PCDHA9: variants seen among roughly 807,000 people sequenced by gnomAD.
The protein encoded by PCDHA9 is protocadherin alpha 9.
In PCDHA9, 62 loss-of-function variants were observed where a neutral mutation model predicts 62.0. The observed-to-expected ratio is 1.00, with a 90% CI of 0.81 to 1.23. The LOEUF (loss-of-function observed/expected upper bound fraction) is 1.23. Among genes scored for constraint, PCDHA9 ranks in the 50% most tolerant of loss-of-function variants. The pLI, the probability that PCDHA9 is intolerant of heterozygous loss-of-function variation, is 0.00. For missense variants in PCDHA9, 1,205 were observed against 1,249.8 expected (o/e 0.96, Z 0.54); for synonymous variants, 557 against 567.6 (o/e 0.98, Z 0.27).
At chr5:140,900,776 G>A (rs1407126944) in intron 1 of PCDHA9, among the ~76,000 whole-genome samples, 1 of 152,172 alleles carries the variant, frequency 6.6e-6, no homozygotes, top group Non-Finnish European at 1.5e-5. Flanking sequence ...GCTTTTTGAG[G>A]AAACTCCAAA....
chr5:140,968,899 A>T (rs782594245), intron 1 of PCDHA9: 7 of 1,614,130 alleles, frequency 4.3e-6, no homozygotes, highest in Non-Finnish European at 5.1e-6. Flanking sequence ...TAATAATAGC[A>T]TTAAGCACAG....
intron 1 of PCDHA9, among the ~76,000 whole-genome samples, chr5:140,941,194 TCTTTCTTCCTTTCTTTCTTCCTTTC>T (rs1257521577): frequency 8.9e-6 from 1 of 112,354 alleles, no homozygotes; most frequent in Admixed American, 9.1e-5. Context: ...TCTTTTTTTT[TCTTTCTTCCTTTCTTTCTTCCTTTC>T]TTTCTTTCTT....
At chr5:141,009,295 A>T (rs782350734) in intron 3 of PCDHA9, among the ~76,000 whole-genome samples, 13 of 152,030 alleles carry the variant, frequency 8.6e-5, no homozygotes, top group Admixed American at 3.9e-4. Context: ...TTTCTATAAA[A>T]TTTTTTTTAA....
intron 1 of PCDHA9, among the ~76,000 whole-genome samples, chr5:140,914,220 C>A (rs1210445622): frequency 6.6e-6 from 1 of 152,212 alleles, no homozygotes; most frequent in South Asian, 2.1e-4. Flanking sequence ...TCTCTTTTAG[C>A]TCTAATACTA....
At chr5:141,000,558 G>A (rs1462892656) in intron 3 of PCDHA9, among the ~76,000 whole-genome samples, 1 of 149,136 alleles carries the variant, frequency 6.7e-6, no homozygotes, top group Admixed American at 6.8e-5. Flanking sequence ...CTCCCGAGTA[G>A]CTGGGATTAC....
At chr5:140,972,353 T>C (rs571045648) in intron 1 of PCDHA9, among the ~76,000 whole-genome samples, 5 of 152,058 alleles carry the variant, frequency 3.3e-5, no homozygotes, top group South Asian at 2.1e-4. Flanking sequence ...TCTCACTATG[T>C]TGCACATGCT....
chr5:140,887,183 A>G (rs1211270850), intron 1 of PCDHA9, among the ~76,000 whole-genome samples: 2 of 147,766 alleles, frequency 1.4e-5, no homozygotes, highest in African/African-American at 5.0e-5. Flanking sequence ...TGCAAGCTCC[A>G]CCTCCCGGGT....
At chr5:140,980,856 G>A (rs559833499) in intron 2 of PCDHA9, among the ~76,000 whole-genome samples, 2 of 152,004 alleles carry the variant, frequency 1.3e-5, no homozygotes, top group African/African-American at 2.4e-5. Context: ...AATCTTTTTC[G>A]TATGTGTGCT....
intron 1 of PCDHA9, chr5:140,876,221 T>C: frequency 1.2e-6 from 2 of 1,613,988 alleles, no homozygotes; most frequent in Non-Finnish European, 1.7e-6. Context: ...TATAAAGTAG[T>C]GTTGTCTGAA....
Position 141,010,115 on chromosome 5 carries a change from C to A in PCDHA9, c.*178C>A, listed in dbSNP as rs1037998611. 1.2e-6 allele frequency: 2 copies of A among 1,609,682 alleles called. No individual in the cohort carries two copies. The highest frequency in any genetic ancestry group is 2.2e-5 in the South Asian group (2 of 90,640). ...CATTTAACAGGTTTTGTCGTAAAAG[C>A]TTTACTAAGTCTGGTGTTAACTCTT... On this transcript the variant is annotated 3_prime_UTR_variant, in exon 4 of 4. Transcript: ENST00000532602.
At position 140,927,570 on chromosome 5, in the gene PCDHA9, A is replaced by G. The variant is rs568227710; in HGVS notation, c.2395-51379A>G. 5.0e-5 allele frequency: 80 copies of G among 1,614,066 alleles called. 1 individual carries two copies. Among genetic ancestry groups the G allele is most frequent in the Middle Eastern group, 4.9e-4 (3 of 6,084 alleles). On this transcript the variant is annotated intron_variant, in intron 1 of 3. Transcript: ENST00000532602. ...AAGTCACCATCATTGTGGTGGACAC[A>G]AATGACAACGCGCCTGTATTTGAGC...
Position 140,853,024 on chromosome 5 carries a change from G to A in PCDHA9, c.2394+2135G>A, listed in dbSNP as rs2150527319. On this transcript the variant is annotated intron_variant, in intron 1 of 3. Coordinates refer to ENST00000532602, the MANE Select transcript of PCDHA9 (RefSeq NM_031857.2). ...CTCCCGAGTAGCTGGGACTACAGGC[G>A]CCTGCCACCATGCCCGCCTAATTTT... 4.2e-5 allele frequency: 11 copies of A among 260,054 alleles called. 1 individual carries two copies. The highest frequency in any genetic ancestry group is 2.6e-4 in the African/African-American group (11 of 42,566). 16.1% of individuals were successfully genotyped at this position (260,054 alleles called of 1,614,324 possible).
chr5:140,910,608 C>A (rs1161072744), intron 1 of PCDHA9, among the ~76,000 whole-genome samples: 3 of 152,208 alleles, frequency 2.0e-5, no homozygotes, highest in Non-Finnish European at 2.9e-5. Context: ...TCTAAACTGA[C>A]TAATCCACTC....
At chr5:140,882,940 C>T (rs1554176179) in intron 1 of PCDHA9, 2 of 1,614,208 alleles carry the variant, frequency 1.2e-6, no homozygotes, top group Admixed American at 3.3e-5. Flanking sequence ...AGCTGACTGG[C>T]ACAGTTCAGC....
Position 140,850,645 on chromosome 5 carries a change from T to G in PCDHA9, c.2150T>G (p.Leu717Arg). The G allele has an allele frequency of 6.3e-7, 1 of 1,598,542 alleles. No individual in the cohort carries two copies. The change falls in exon 1 of 4, where the codon CTG becomes CGG. Residue 717 changes from leucine to arginine, a missense_variant. Coordinates refer to ENST00000532602, the MANE Select transcript of PCDHA9 (RefSeq NM_031857.2). ...AGCCTGTTGGTTCTCACGCTGCTGC[T>G]GTACACTGTGCTGCGGTGCTCGGCG... is the stretch of plus-strand genomic sequence containing the variant. The part of the protein sequence containing the change: ...VSSLLVLTLL[L>R]YTVLRCSAMP...
At chr5:140,988,874 T>G (rs1407460154) in intron 3 of PCDHA9, 2 of 152,194 alleles carry the variant, frequency 1.3e-5, no homozygotes, top group Non-Finnish European at 1.5e-5. Flanking sequence ...CACTCAGATG[T>G]ACGATCCTGG....
intron 1 of PCDHA9, chr5:140,969,353 C>T (rs781980010): frequency 3.7e-6 from 6 of 1,612,562 alleles, no homozygotes; most frequent in Non-Finnish European, 4.2e-6. Context: ...GTCAGGGGGT[C>T]TTCTACAAAC....
chr5:140,990,694 C>T (rs549554926), intron 3 of PCDHA9, among the ~76,000 whole-genome samples: 10 of 152,108 alleles, frequency 6.6e-5, no homozygotes, highest in Non-Finnish European at 1.5e-4. Context: ...TCGGAGAGTC[C>T]AGATTTATGG....
At chr5:140,855,274 C>T (rs1395531351) in intron 1 of PCDHA9, among the ~76,000 whole-genome samples, 1 of 149,676 alleles carries the variant, frequency 6.7e-6, no homozygotes, top group Non-Finnish European at 1.5e-5. Flanking sequence ...TTCACTCAAC[C>T]ACCGTATTAC....
Sources: gnomAD v4.1 joint callset for allele counts (sites outside exome capture counted in the v4.1 genomes callset) on GRCh38, gnomAD v4.1.1 for gene constraint, MANE v1.5 for transcripts, NCBI Gene and HGNC (gene_info 2026-07-23, HGNC 2026-07-21) for gene names.